The following LAMA3 variants were observed in gnomAD, a reference collection of about 807,000 sequenced individuals.
LAMA3 encodes laminin subunit alpha 3, also known as laminin subunit alpha-3.
A neutral mutation model predicts 402.0 loss-of-function variants in LAMA3; 281 were observed. That is an observed-to-expected ratio of 0.70 (90% confidence interval 0.63 to 0.77). The LOEUF (loss-of-function observed/expected upper bound fraction) is 0.77, where lower values mean the gene tolerates loss of function less well. Ranked by LOEUF, LAMA3 falls within the 30% of genes least tolerant of loss-of-function variation. The pLI is 0.00. For synonymous variants in LAMA3, 1,431 were observed against 1,558.4 expected (o/e 0.92, Z 1.93); for missense variants, 3,840 against 4,215.5 (o/e 0.91, Z 2.47).
In LAMA3 at chr18:23,784,086, G is replaced by A. The variant is rs1228662697; in HGVS notation, c.1532G>A (p.Cys511Tyr). 6.2e-7 allele frequency: 1 copy of A among 1,614,106 alleles called. No individual in the cohort carries two copies. The highest frequency in any genetic ancestry group is 1.1e-5 in the South Asian group (1 of 91,076). ...EICDAHGRCL[C>Y]RPGVEGPRCD... Reference sequence around the variant, plus strand: ...TGTGATGCCCACGGACGGTGCCTGTGCCGCCCTGGGGTTGAGGGCCCTCGA... The same window carrying A: ...TGTGATGCCCACGGACGGTGCCTGTACCGCCCTGGGGTTGAGGGCCCTCGA... The change falls in exon 12 of 75, where the codon TGC (cysteine) becomes TAC (tyrosine). Residue 511 changes from cysteine to tyrosine, a missense_variant. By Grantham distance (194) the Cys-to-Tyr change is radical. Around this residue, in one of 3 missense-constraint regions of LAMA3, gnomAD observed 2,109 missense variants for 2,376.0 expected, o/e 0.89. Transcript: ENST00000313654.
At chr18:23,813,226 G>T (rs1441583410) in intron 14 of LAMA3, 123 bp downstream of exon 14, 2 of 680,942 alleles carry the variant, frequency 2.9e-6, no homozygotes, top group South Asian at 1.7e-5. Context: ...TGCTTAAAGA[G>T]GTCATTGTTG....
chr18:23,943,944 G>A lies in LAMA3; in HGVS notation c.9183G>A (p.Glu3061=). 6.2e-7 allele frequency: 1 copy of A among 1,614,094 alleles called. No homozygotes were observed. Among genetic ancestry groups the A allele is most frequent in the East Asian group, 2.2e-5 (1 of 44,886 alleles). The part of the protein sequence containing the change: ...DGKKLRIKSK[E]KCNDGKWHTV... ...AAAAATTGAGGATCAAAAGCAAGGAGAAATGCAATGATGGGAAATGGCACA... is the reference window on the plus strand; with the variant it reads ...AAAAATTGAGGATCAAAAGCAAGGAAAAATGCAATGATGGGAAATGGCACA... Residue 3061 remains glutamate (E), a synonymous_variant, in exon 69 of 75, where the codon GAG becomes GAA. Transcript: ENST00000313654.
At position 23,770,981 on chromosome 18, in the gene LAMA3, A is replaced by G. The variant is rs531907887; in HGVS notation, c.1183-2516A>G. ...TCATCATTGTTGATAACAATGCAGA[A>G]TGGTACAACTACTTTGGGAAAACGG... On this transcript the variant is annotated intron_variant, in intron 8 of 74. Coordinates refer to ENST00000313654, the MANE Select transcript of LAMA3 (RefSeq NM_198129.4). Among the ~76,000 whole-genome samples, 146 of 152,114 alleles carry G rather than the reference A, an allele frequency of 9.6e-4. 1 individual carries two copies. The highest frequency in any genetic ancestry group is 1.7e-3 in the Non-Finnish European group (114 of 68,042).
intron 2 of LAMA3, among the ~76,000 whole-genome samples, chr18:23,718,675 G>T (rs1473537828): frequency 6.6e-6 from 1 of 152,174 alleles, no homozygotes; most frequent in Non-Finnish European, 1.5e-5. Context: ...GAGCTGCTGA[G>T]ATGGTCCTTT....
At chr18:23,781,416 A>T in intron 11 of LAMA3, 2 of 388,466 alleles carry the variant, frequency 5.1e-6, no homozygotes, top group Non-Finnish European at 1.0e-5. Context: ...TGGGCCTAGA[A>T]TTAAATGAAC....
Position 23,909,142 on chromosome 18 carries a change from C to T in LAMA3, c.7016-11C>T. Reference sequence around the variant, plus strand: ...ACAATCTTACATTTCTATTTTTTTTCTCACCAACAGTGAATAAGTTAACCA... The same window carrying T: ...ACAATCTTACATTTCTATTTTTTTTTTCACCAACAGTGAATAAGTTAACCA... On this transcript the variant is annotated splice_polypyrimidine_tract_variant and intron_variant, in intron 54 of 74. Transcript: ENST00000313654. 6.2e-7 allele frequency: 1 copy of T among 1,612,100 alleles called. No homozygotes were observed. The highest frequency in any genetic ancestry group is 8.5e-7 in the Non-Finnish European group (1 of 1,178,454).
chr18:23,873,581 G>T (rs531228378), intron 38 of LAMA3, among the ~76,000 whole-genome samples: 10 of 152,174 alleles, frequency 6.6e-5, no homozygotes, highest in Non-Finnish European at 1.5e-4. Context: ...TTACCCACGG[G>T]GGGGAGAAAA....
intron 67 of LAMA3, 65 bp from the exon 68 acceptor site, chr18:23,939,158 T>C: frequency 6.6e-7 from 1 of 1,510,022 alleles, no homozygotes; most frequent in Non-Finnish European, 9.2e-7. Flanking sequence ...TTAAGCAATG[T>C]ACTTAGCAAG....
intron 32 of LAMA3, among the ~76,000 whole-genome samples, chr18:23,851,289 C>T (rs756393639): frequency 2.0e-5 from 3 of 152,196 alleles, no homozygotes; most frequent in Admixed American, 1.3e-4. Flanking sequence ...TGTCGTCCTT[C>T]GTCTCCTGTA....
At chr18:23,834,217 A>G (rs147184249) in intron 24 of LAMA3, 1 of 537,918 alleles carries the variant, frequency 1.9e-6, no homozygotes, top group African/African-American at 1.9e-5. Context: ...TGTATGCTGT[A>G]CTTAGCAATT....
intron 74 of LAMA3, among the ~76,000 whole-genome samples, chr18:23,953,717 A>G (rs1298582606): frequency 6.6e-6 from 1 of 152,188 alleles, no homozygotes; most frequent in Admixed American, 6.5e-5. Flanking sequence ...AGAGTCAGGA[A>G]AAGGGTCTGA....
rs763417872 is a variant in LAMA3 at position 23,750,953 on chromosome 18, A to T, written c.720A>T (p.Ala240=). The change falls in exon 5 of 75, where the codon GCA becomes GCT. Residue 240 remains alanine, a synonymous_variant. Coordinates refer to ENST00000313654, the MANE Select transcript of LAMA3 (RefSeq NM_198129.4). ...CCTTGATAAACGGTCGTCCAGGTGC[A>T]AAAAATTTTACTTTCTCTCACACCC... The part of the protein sequence containing the change: ...VVSLINGRPG[A]KNFTFSHTLR... The T allele has an allele frequency of 1.1e-5, 18 of 1,613,996 alleles. No individual in the cohort carries two copies. The Middle Eastern group carries it at 9.9e-4, about 88-fold the overall frequency.
intron 12 of LAMA3, among the ~76,000 whole-genome samples, chr18:23,808,466 T>C (rs1435111915): frequency 6.6e-6 from 1 of 152,162 alleles, no homozygotes. Context: ...ACTATATGTG[T>C]TTTTGTATTT....
chr18:23,819,989 T>G lies in LAMA3; in HGVS notation c.2296T>G (p.Ser766Ala), dbSNP rs1468884313. Residue 766 changes from serine to alanine, a missense_variant, in exon 19 of 75, where the codon TCA (serine) becomes GCA (alanine). This residue lies in a region of LAMA3 where 2,109 missense variants were observed against 2,376.0 expected (regional missense o/e 0.89). Transcript: ENST00000313654. ...FSWRGYAQMT[S>A]VQNDVRITLN... ...CTGGAGAGGATATGCCCAAATGACC[T>G]CAGTACAGGTACGCAACCCGAAGAG... The G allele has an allele frequency of 2.5e-6, 4 of 1,614,050 alleles. No individual in the cohort carries two copies. The Admixed American group carries it at 6.7e-5, about 27-fold the overall frequency.
intron 21 of LAMA3, among the ~76,000 whole-genome samples, chr18:23,826,308 C>T (rs1217320229): frequency 1.3e-5 from 2 of 152,220 alleles, no homozygotes; most frequent in African/African-American, 4.8e-5. Context: ...GAGCGTTACT[C>T]GGGTGTGGGA....
At chr18:23,738,583 C>T (rs2061515151) in intron 2 of LAMA3, among the ~76,000 whole-genome samples, 2 of 152,174 alleles carry the variant, frequency 1.3e-5, no homozygotes, top group Admixed American at 1.3e-4. Flanking sequence ...AAGAAGGCTG[C>T]ATAGTCAGGA....
rs2063636110 is a variant in LAMA3, at chr18:23,838,762, C to T, written c.3094-19C>T. On this transcript the variant is annotated intron_variant, in intron 25 of 74. Transcript: ENST00000313654. ...CTGGTAACTGCAATGTGCCTTTGTG[C>T]ATTGTATTTGCTCACTAGCATCAAG... 2 of 1,433,674 alleles carry T rather than the reference C, an allele frequency of 1.4e-6. No individual in the cohort carries two copies. Among genetic ancestry groups the T allele is most frequent in the Non-Finnish European group, 2.0e-6 (2 of 1,015,476 alleles). The allele number at this position is 1,433,674 out of a possible 1,614,324, so 88.8% of individuals were successfully genotyped here.
chr18:23,887,668 A>T (rs1247857484), intron 41 of LAMA3, among the ~76,000 whole-genome samples: 1 of 152,226 alleles, frequency 6.6e-6, no homozygotes, highest in Non-Finnish European at 1.5e-5. Flanking sequence ...AAACACAAGG[A>T]CAGTCAAGGG....
intron 12 of LAMA3, among the ~76,000 whole-genome samples, chr18:23,790,196 A>T (rs1304312806): frequency 2.6e-5 from 4 of 152,168 alleles, no homozygotes. Flanking sequence ...GGACATCAAG[A>T]AGCATGAGGG....
Sources: allele counts gnomAD v4.1 joint callset (sites outside exome capture counted in the v4.1 genomes callset), GRCh38; gene constraint gnomAD v4.1.1; regional missense constraint gnomAD v4.1.1; transcripts MANE v1.5; gene names NCBI Gene and HGNC (gene_info 2026-07-23, HGNC 2026-07-21).